The following ELMO1 variants were observed in gnomAD, a reference collection of about 807,000 sequenced individuals.
ELMO1 encodes the protein engulfment and cell motility 1.
In ELMO1, 26 loss-of-function variants were observed where a neutral mutation model predicts 98.9. That is an observed-to-expected ratio of 0.26 (90% confidence interval 0.19 to 0.36). The LOEUF is 0.36. Among genes scored for constraint, ELMO1 ranks in the 10% least tolerant of loss-of-function variants. The probability of loss-of-function intolerance (pLI) is 1.00; values close to 1 mark genes in which losing one functional copy is unlikely to be tolerated. For synonymous variants in ELMO1, 346 were observed against 346.0 expected (o/e 1.00, Z 0.00); for missense variants, 627 against 935.2 (o/e 0.67, Z 4.30).
chr7:37,029,468 CAGAA>C (rs1037506221), intron 15 of ELMO1, among the ~76,000 whole-genome samples: 1 of 151,484 alleles, frequency 6.6e-6, no homozygotes, highest in Non-Finnish European at 1.5e-5. Flanking sequence ...CTTTATTTCA[CAGAA>C]AGAGCCTCAA....
intron 4 of ELMO1, among the ~76,000 whole-genome samples, chr7:37,313,257 C>T (rs1299409729): frequency 6.6e-6 from 1 of 152,160 alleles, no homozygotes; most frequent in African/African-American, 2.4e-5. Flanking sequence ...TGGAGTCTCG[C>T]TCTGTCGCTC....
At chr7:37,230,411 T>C (rs1794105940) in intron 8 of ELMO1, among the ~76,000 whole-genome samples, 1 of 152,154 alleles carries the variant, frequency 6.6e-6, no homozygotes, top group African/African-American at 2.4e-5. Flanking sequence ...CCGGGAACTA[T>C]GCCTTCCACC....
At chr7:37,182,461 A>T (rs55673420) in intron 13 of ELMO1, among the ~76,000 whole-genome samples, 12 of 950 alleles carry the variant, frequency 0.013, 4 homozygotes, top group Non-Finnish European at 0.034. Context: ...CTTGTGCTCT[A>T]CTTTTTTTTT....
chr7:37,304,433 C>T (rs1392687117), intron 4 of ELMO1, among the ~76,000 whole-genome samples: 4 of 152,060 alleles, frequency 2.6e-5, no homozygotes, highest in Admixed American at 6.5e-5. Context: ...AGGGCAGAGG[C>T]GTCTGGGCAC....
At chr7:37,155,330 G>A (rs7384647) in intron 13 of ELMO1, among the ~76,000 whole-genome samples, 139,296 of 152,070 alleles carry the variant, frequency 0.92, 64,182 homozygotes, top group Non-Finnish European at 0.97. Context: ...TTAAATGTAA[G>A]TGGGCTAAAC....
At chr7:37,406,434 T>A (rs924171676) in intron 1 of ELMO1, among the ~76,000 whole-genome samples, 8 of 86,724 alleles carry the variant, frequency 9.2e-5, no homozygotes, top group Non-Finnish European at 1.9e-4. Context: ...AGTAAGAAAA[T>A]TTTTTTTTTT....
chr7:37,220,642 T>G (rs1793539645), intron 10 of ELMO1, among the ~76,000 whole-genome samples: 1 of 152,200 alleles, frequency 6.6e-6, no homozygotes, highest in Non-Finnish European at 1.5e-5. Context: ...TGACACCTGA[T>G]TCCCTATTTG....
At chr7:36,997,382 C>A (rs983355687) in intron 16 of ELMO1, among the ~76,000 whole-genome samples, 2 of 152,132 alleles carry the variant, frequency 1.3e-5, no homozygotes, top group Non-Finnish European at 2.9e-5. Flanking sequence ...TGTGTTCCTG[C>A]ACAGAGACTG....
chr7:36,913,697 G>A (rs932240141), intron 16 of ELMO1, among the ~76,000 whole-genome samples: 1 of 152,200 alleles, frequency 6.6e-6, no homozygotes, highest in Non-Finnish European at 1.5e-5. Context: ...AAACCAGAAG[G>A]TCATGAGGAA....
chr7:37,030,480 T>C (rs1794819253), intron 15 of ELMO1, among the ~76,000 whole-genome samples: 1 of 152,178 alleles, frequency 6.6e-6, no homozygotes, highest in South Asian at 2.1e-4. Context: ...GGATATCTTA[T>C]ATGGTTAATA....
intron 13 of ELMO1, among the ~76,000 whole-genome samples, chr7:37,210,675 T>C (rs1792911203): frequency 1.3e-5 from 2 of 152,070 alleles, no homozygotes; most frequent in Admixed American, 6.5e-5. Context: ...TAATGCCTGG[T>C]GATTTCTAAT....
At chr7:37,163,029 T>G (rs559074117) in intron 13 of ELMO1, among the ~76,000 whole-genome samples, 3 of 152,202 alleles carry the variant, frequency 2.0e-5, no homozygotes. Flanking sequence ...CTCTACTTGG[T>G]TGCCTTATTT....
chr7:37,261,358 G>C (rs895510907), intron 5 of ELMO1, among the ~76,000 whole-genome samples: 1 of 152,196 alleles, frequency 6.6e-6, no homozygotes, highest in Admixed American at 6.5e-5. Context: ...ATTGTAAACA[G>C]TGGATCTCAA....
intron 16 of ELMO1, among the ~76,000 whole-genome samples, chr7:36,949,768 G>T (rs1343039485): frequency 6.6e-6 from 1 of 151,578 alleles, no homozygotes; most frequent in Non-Finnish European, 1.5e-5. Context: ...CATATCTCTG[G>T]CCTCTGCTCA....
chr7:36,876,153 G>A (rs1803942105), intron 19 of ELMO1, among the ~76,000 whole-genome samples: 1 of 152,158 alleles, frequency 6.6e-6, no homozygotes, highest in Non-Finnish European at 1.5e-5. Flanking sequence ...CCACATCGCT[G>A]GGCTCTGGTC....
intron 16 of ELMO1, among the ~76,000 whole-genome samples, chr7:36,899,682 A>ATTTTTTTTTTTTT (rs1178774148): frequency 1.9e-4 from 1 of 5,396 alleles, no homozygotes; most frequent in Non-Finnish European, 4.1e-4. Flanking sequence ...ATCTTTACTC[A>ATTTTTTTTTTTTT]TCTTTTTTTT....
chr7:36,910,767 C>A (rs76598696), intron 16 of ELMO1, among the ~76,000 whole-genome samples: 1 of 152,210 alleles, frequency 6.6e-6, no homozygotes, highest in South Asian at 2.1e-4. Context: ...GCTGGAAATG[C>A]AAGATCTTAG....
intron 15 of ELMO1, among the ~76,000 whole-genome samples, chr7:37,044,726 C>T (rs765788379): frequency 7.2e-5 from 11 of 152,284 alleles, no homozygotes; most frequent in Non-Finnish European, 1.2e-4. Flanking sequence ...CTTTCTGCAG[C>T]GAGATGCATG....
chr7:37,006,153 T>C (rs929287540), intron 16 of ELMO1, among the ~76,000 whole-genome samples: 7 of 152,238 alleles, frequency 4.6e-5, no homozygotes, highest in African/African-American at 9.6e-5. Context: ...ATCCCCTCTG[T>C]GGCCAAACTA....
Sources: gnomAD v4.1 joint callset for allele counts (sites outside exome capture counted in the v4.1 genomes callset) on GRCh38, gnomAD v4.1.1 for gene constraint, MANE v1.5 for transcripts, NCBI Gene and HGNC (gene_info 2026-07-23, HGNC 2026-07-21) for gene names.